The following TENM4 variants were observed in gnomAD, a reference collection of about 807,000 sequenced individuals.
TENM4 encodes teneurin-4.
In TENM4, 82 loss-of-function variants were observed where a neutral mutation model predicts 243.3. The ratio of observed to expected loss-of-function variants is 0.34; its 90% CI spans 0.28 to 0.40. The LOEUF is 0.40. Ranked by LOEUF, TENM4 falls within the 10% of genes least tolerant of loss-of-function variation. The pLI is 1.00. For synonymous variants in TENM4, 1,412 were observed against 1,456.3 expected, an observed-to-expected ratio of 0.97 and a Z score of 0.69; for missense variants, 3,138 against 3,673.3, an observed-to-expected ratio of 0.85 and a Z score of 3.77.
At chr11:79,075,153 C>T (rs1271878464) in intron 4 of TENM4, among the ~76,000 whole-genome samples, 1 of 152,242 alleles carries the variant, frequency 6.6e-6, no homozygotes, top group Non-Finnish European at 1.5e-5. Context: ...AGGCACCGGT[C>T]AAGTGCTTGA....
chr11:78,950,161 C>A (rs1208631570), intron 6 of TENM4, among the ~76,000 whole-genome samples: 1 of 152,186 alleles, frequency 6.6e-6, no homozygotes, highest in Non-Finnish European at 1.5e-5. Flanking sequence ...TAACCCACCT[C>A]AGGACAAAGG....
Position 79,144,538 on chromosome 11 carries a change from T to C in TENM4, c.-66+4172A>G, listed in dbSNP as rs569849294. 2.9e-3 allele frequency among the ~76,000 whole-genome samples: 447 copies of C among 152,142 alleles called. 3 individuals carry two copies. Among genetic ancestry groups the C allele is most frequent in the African/African-American group, 0.01 (420 of 41,526 alleles). ...AATTTGGAAGCAGTCTAAGTGTCCA[T>C]CAACAGATGAATGGATAAAGAAAAT... On this transcript the variant is annotated intron_variant, in intron 4 of 33. Coordinates refer to ENST00000278550, the MANE Select transcript of TENM4 (RefSeq NM_001098816.3).
At chr11:79,053,924 A>T (rs754687474) in intron 6 of TENM4, among the ~76,000 whole-genome samples, 2 of 152,152 alleles carry the variant, frequency 1.3e-5, no homozygotes, top group South Asian at 2.1e-4. Context: ...GTGAAATTAA[A>T]TTTGTGGTAA....
At chr11:79,193,267 C>G (rs1262485699) in intron 3 of TENM4, 2 of 152,226 alleles carry the variant, frequency 1.3e-5, no homozygotes, top group Non-Finnish European at 2.9e-5. Context: ...ATGACCTGCC[C>G]AAGACCTCAC....
At chr11:78,700,101 C>T (rs922059239) in intron 28 of TENM4, among the ~76,000 whole-genome samples, 1 of 152,202 alleles carries the variant, frequency 6.6e-6, no homozygotes, top group Non-Finnish European at 1.5e-5. Context: ...ATTTAAAAAT[C>T]AACTACAGAT....
At chr11:79,010,843 G>C (rs1858624971) in intron 6 of TENM4, among the ~76,000 whole-genome samples, 1 of 152,130 alleles carries the variant, frequency 6.6e-6, no homozygotes, top group African/African-American at 2.4e-5. Context: ...CAGAGCAAAG[G>C]TCCCAGCAGA....
intron 7 of TENM4, among the ~76,000 whole-genome samples, chr11:78,894,921 G>A (rs1855751726): frequency 6.6e-6 from 1 of 150,438 alleles, no homozygotes; most frequent in East Asian, 1.9e-4. Context: ...CTGAACCCGG[G>A]GAGGCTGAGG....
chr11:78,724,768 A>G (rs542874144), intron 23 of TENM4, among the ~76,000 whole-genome samples: 1 of 152,358 alleles, frequency 6.6e-6, no homozygotes, highest in South Asian at 2.1e-4. Context: ...ATGGCATGTA[A>G]GTAAAAGTGA....
chr11:79,346,711 T>A (rs1590897147), intron 1 of TENM4, among the ~76,000 whole-genome samples: 1 of 152,212 alleles, frequency 6.6e-6, no homozygotes, highest in East Asian at 1.9e-4. Flanking sequence ...TTCACTTTCC[T>A]TCTCCTGGTA....
chr11:79,312,339 T>G (rs1856735650), intron 1 of TENM4, among the ~76,000 whole-genome samples: 2 of 152,208 alleles, frequency 1.3e-5, no homozygotes, highest in African/African-American at 4.8e-5. Context: ...ATTTGCCTGA[T>G]TCATAAAAAT....
At chr11:78,794,837 C>G (rs1162673639) in intron 15 of TENM4, among the ~76,000 whole-genome samples, 1 of 152,134 alleles carries the variant, frequency 6.6e-6, no homozygotes, top group African/African-American at 2.4e-5. Flanking sequence ...ACTAGAGGAG[C>G]AGGCTTTATG....
Position 79,223,153 on chromosome 11 carries a change from GA to G in TENM4, c.-264-7245del, listed in dbSNP as rs201709585. On this transcript the variant is annotated intron_variant, in intron 2 of 33. Transcript: ENST00000278550. The stretch of plus-strand genomic sequence containing the variant: ...CAGAACTTAAATAAAATTAAATATA[GA>G]AAAAAAAAATAACAGGCTCTCATCT... Among the ~76,000 whole-genome samples, 84 of 148,032 alleles carry G rather than the reference GA, an allele frequency of 5.7e-4. No homozygotes were observed. In the East Asian group the frequency reaches 6.5e-3, roughly 11 times the overall value.
intron 6 of TENM4, among the ~76,000 whole-genome samples, chr11:78,933,738 TCTCA>T (rs1856721861): frequency 6.6e-6 from 1 of 151,996 alleles, no homozygotes; most frequent in Non-Finnish European, 1.5e-5. Context: ...AAGCTGGGGG[TCTCA>T]CTCGGCATCC....
chr11:79,375,949 G>C (rs1223591699), intron 1 of TENM4, among the ~76,000 whole-genome samples: 3 of 152,156 alleles, frequency 2.0e-5, no homozygotes, highest in African/African-American at 7.2e-5. Flanking sequence ...CTATCCTAAG[G>C]GCATTGAAAA....
At chr11:79,221,368 G>A (rs1864150945) in intron 2 of TENM4, among the ~76,000 whole-genome samples, 2 of 151,452 alleles carry the variant, frequency 1.3e-5, no homozygotes, top group African/African-American at 2.4e-5. Context: ...GCCTTTCTAA[G>A]GACTGGATGA....
At chr11:78,675,374 C>T (rs912028355) in intron 30 of TENM4, among the ~76,000 whole-genome samples, 1 of 152,216 alleles carries the variant, frequency 6.6e-6, no homozygotes, top group African/African-American at 2.4e-5. Context: ...TAGTTTGTTT[C>T]ATCTCAGCAG....
rs751559211 is a variant in TENM4 at position 78,656,838 on chromosome 11, G to A, written c.*1220C>T. On this transcript the variant is annotated 3_prime_UTR_variant, in exon 34 of 34. Transcript: ENST00000278550. ...CCAGCCTGCCCCAGTCCAGCTCTGC[G>A]ATCAGCTGGTACATGGAGGCAGATG... The A allele has an allele frequency of 9.4e-5, 37 of 394,592 alleles. No homozygotes were observed. The highest frequency in any genetic ancestry group is 1.5e-4 in the Non-Finnish European group (34 of 224,074). The allele number at this position is 394,592 out of a possible 1,614,324, so 24.4% of individuals were successfully genotyped here. A position where few individuals can be genotyped will look rare whatever the true frequency, so the allele number is the denominator to read the frequency against.
intron 19 of TENM4, among the ~76,000 whole-genome samples, chr11:78,740,752 G>A (rs1341654839): frequency 6.6e-6 from 1 of 152,196 alleles, no homozygotes; most frequent in East Asian, 1.9e-4. Context: ...CCAGTCCTGG[G>A]GGGATGGCTT....
At chr11:79,085,102 G>A (rs1373552113) in intron 4 of TENM4, among the ~76,000 whole-genome samples, 6 of 152,096 alleles carry the variant, frequency 3.9e-5, no homozygotes, top group Non-Finnish European at 7.4e-5. Context: ...GCCGGGTGTA[G>A]TGGCTCATGC....
Sources: allele counts gnomAD v4.1 joint callset (sites outside exome capture counted in the v4.1 genomes callset), GRCh38; gene constraint gnomAD v4.1.1; transcripts MANE v1.5; gene names NCBI Gene and HGNC (gene_info 2026-07-23, HGNC 2026-07-21).